Variants in CDH3 observed in about 807,000 individuals in gnomAD.
CDH3 encodes cadherin 3, also known as cadherin-3.
A neutral mutation model predicts 82.0 loss-of-function variants in CDH3; 54 were observed. The observed-to-expected ratio is 0.66, with a 90% CI of 0.53 to 0.83. CDH3 has a LOEUF of 0.83. Among genes scored for constraint, CDH3 ranks in the 40% least tolerant of loss-of-function variants. The probability of loss-of-function intolerance (pLI) is 0.00; values close to 1 mark genes in which losing one functional copy is unlikely to be tolerated. For missense variants in CDH3, 1,054 were observed against 1,084.6 expected (o/e 0.97, Z 0.40); for synonymous variants, 446 against 437.9 (o/e 1.02, Z -0.23).
At chr16:68,650,221 G>C (rs546201338) in intron 2 of CDH3, among the ~76,000 whole-genome samples, 1 of 152,072 alleles carries the variant, frequency 6.6e-6, no homozygotes, top group Non-Finnish European at 1.5e-5. Flanking sequence ...TTTTAGCATC[G>C]TGGTCAGGTC....
intron 1 of CDH3, among the ~76,000 whole-genome samples, chr16:68,719,971 T>A (rs111712061): frequency 1.3e-5 from 2 of 151,924 alleles, no homozygotes; most frequent in African/African-American, 4.8e-5. Flanking sequence ...CTGGGCAACA[T>A]AGTGAAACCT....
chr16:68,698,397 C>G lies in CDH3; in HGVS notation c.2487C>G (p.Asp829Glu). The part of the protein sequence containing the change: ...LADMYGGGED[D>E] The stretch of plus-strand genomic sequence containing the variant: ...ACATGTACGGTGGCGGGGAGGACGA[C>G]TAGGCGGCCTGCCTGCAGGGCTGGG... The change falls in exon 16 of 16, where the codon GAC (aspartate) becomes GAG (glutamate). Residue 829 changes from aspartate to glutamate, a missense_variant. Coordinates refer to ENST00000264012, the MANE Select transcript of CDH3 (RefSeq NM_001793.6). 6.2e-7 allele frequency: 1 copy of G among 1,613,740 alleles called. No homozygotes were observed. Among genetic ancestry groups the G allele is most frequent in the Non-Finnish European group, 8.5e-7 (1 of 1,179,882 alleles).
downstream of CDH3, among the ~76,000 whole-genome samples, chr16:68,701,841 T>C (rs1464253334): frequency 6.6e-6 from 1 of 150,594 alleles, no homozygotes; most frequent in Non-Finnish European, 1.5e-5. Flanking sequence ...CTGGCCAAGA[T>C]GGTGAAATCT....
intron 1 of CDH3, among the ~76,000 whole-genome samples, chr16:68,721,043 G>A (rs982088852): frequency 1.3e-5 from 2 of 151,988 alleles, no homozygotes; most frequent in African/African-American, 4.8e-5. Context: ...ACCTAGGTGC[G>A]CAGAGGTTTC....
intron 2 of CDH3, among the ~76,000 whole-genome samples, chr16:68,723,637 G>A (rs920573039): frequency 2.6e-5 from 4 of 152,142 alleles, no homozygotes; most frequent in African/African-American, 4.8e-5. Context: ...CTGGGATTTC[G>A]TAAATAAATG....
At chr16:68,703,569 G>C (rs1961922773), downstream of CDH3, among the ~76,000 whole-genome samples, 1 of 152,214 alleles carries the variant, frequency 6.6e-6, no homozygotes, top group South Asian at 2.1e-4. Flanking sequence ...CCCCCCAGCA[G>C]AGTACAAGTT....
intron 11 of CDH3, chr16:68,686,545 G>T: frequency 8.6e-7 from 1 of 1,160,590 alleles, no homozygotes; most frequent in African/African-American, 1.5e-5. Context: ...CTAAAGGAAA[G>T]GGTGGAGGGA....
chr16:68,666,987 C>T (rs1960750665), intron 2 of CDH3, among the ~76,000 whole-genome samples: 1 of 152,184 alleles, frequency 6.6e-6, no homozygotes, highest in East Asian at 1.9e-4. Flanking sequence ...GGCACAATTC[C>T]TGGGTCAATG....
intron 1 of CDH3, among the ~76,000 whole-genome samples, chr16:68,719,542 C>G (rs1962138320): frequency 1.5e-5 from 2 of 130,590 alleles, no homozygotes; most frequent in African/African-American, 5.8e-5. Flanking sequence ...GAGTCTCGCT[C>G]TGTCACCCAG....
At chr16:68,696,719 TTAAAC>T (rs572796676) in intron 15 of CDH3, 45 of 152,810 alleles carry the variant, frequency 2.9e-4, no homozygotes, top group African/African-American at 1.1e-3. Context: ...GAGAGCTTGT[TTAAAC>T]TACAATTTAG....
intron 2 of CDH3, among the ~76,000 whole-genome samples, chr16:68,659,609 G>A (rs757341563): frequency 2.6e-5 from 4 of 151,004 alleles, no homozygotes; most frequent in Non-Finnish European, 4.4e-5. Flanking sequence ...TTTTGAGCCC[G>A]GGAGGCAGAG....
Position 68,695,930 on chromosome 16 carries a change from C to G in CDH3, c.2280+7C>G. The G allele has an allele frequency of 6.2e-7, 1 of 1,613,926 alleles. No individual in the cohort carries two copies. The highest frequency in any genetic ancestry group is 8.5e-7 in the Non-Finnish European group (1 of 1,179,980). ...CGGCAACTTTATAATTGAGGTGAGG[C>G]GTGGCAGGCCAGTCGAGGGCCACCC... On this transcript the variant is annotated splice_region_variant and intron_variant, in intron 15 of 15. Transcript: ENST00000264012.
intron 1 of CDH3, among the ~76,000 whole-genome samples, chr16:68,705,914 C>G (rs369625818): frequency 6.6e-6 from 1 of 151,188 alleles, no homozygotes; most frequent in African/African-American, 2.4e-5. Context: ...AAATACAAAA[C>G]ATTAGCGCGG....
At chr16:68,712,068 C>T (rs1299438786) in intron 1 of CDH3, among the ~76,000 whole-genome samples, 1 of 128,578 alleles carries the variant, frequency 7.8e-6, no homozygotes, top group Non-Finnish European at 1.6e-5. Flanking sequence ...GACAGACTCT[C>T]GCGATGTCAC....
chr16:68,685,430 C>T (rs1358532040), intron 11 of CDH3, 80 bp downstream of exon 11: 40 of 1,473,738 alleles, frequency 2.7e-5, no homozygotes, highest in Non-Finnish European at 3.5e-5. Context: ...ATGTTTCCTC[C>T]ACAGGTGGGA....
chr16:68,667,072 C>T (rs572240816), intron 2 of CDH3, among the ~76,000 whole-genome samples: 34 of 152,246 alleles, frequency 2.2e-4, no homozygotes, highest in Non-Finnish European at 4.0e-4. Context: ...CAATATATAG[C>T]AGCACCCGGT....
intron 6 of CDH3, 113 bp downstream of exon 6, chr16:68,679,019 T>A: frequency 8.7e-7 from 1 of 1,144,400 alleles, no homozygotes; most frequent in Non-Finnish European, 1.3e-6. Context: ...TGGGATCTTC[T>A]TAAAAATCCA....
intron 8 of CDH3, 117 bp from the exon 9 acceptor site, chr16:68,682,185 T>C: frequency 8.8e-7 from 1 of 1,140,492 alleles, no homozygotes. Context: ...AGTGGGTGGG[T>C]GGTCCAGGAA....
In CDH3 at chr16:68,678,926, G is replaced by A; in HGVS notation, c.691+20G>A. Reference sequence around the variant, plus strand: ...TACCAGGTAAGAGGACTGGGAAGGGGACTGCTACGGGGCTGGGCCCACACC... The same window carrying A: ...TACCAGGTAAGAGGACTGGGAAGGGAACTGCTACGGGGCTGGGCCCACACC... On this transcript the variant is annotated intron_variant, in intron 6 of 15. Transcript: ENST00000264012. The A allele has an allele frequency of 6.2e-7, 1 of 1,612,500 alleles. No individual in the cohort carries two copies. Among genetic ancestry groups the A allele is most frequent in the East Asian group, 2.2e-5 (1 of 44,884 alleles).
Sources: allele counts gnomAD v4.1 joint callset (sites outside exome capture counted in the v4.1 genomes callset), GRCh38; gene constraint gnomAD v4.1.1; transcripts MANE v1.5; gene names NCBI Gene and HGNC (gene_info 2026-07-23, HGNC 2026-07-21).